Variants in ULK4 observed in about 807,000 individuals in gnomAD.
ULK4 encodes unc-51 like kinase 4.
Under a neutral mutation model 160.6 loss-of-function variants are expected in ULK4, and 133 were observed. That is an observed-to-expected ratio of 0.83 (90% confidence interval 0.72 to 0.96). The LOEUF is 0.96. ULK4 is among the 40% of genes least tolerant of loss of function. The pLI, the probability that ULK4 is intolerant of heterozygous loss-of-function variation, is 0.00. For synonymous variants in ULK4, 534 were observed against 539.8 expected (o/e 0.99, Z 0.15); for missense variants, 1,580 against 1,499.5 (o/e 1.05, Z -0.89).
intron 25 of ULK4, among the ~76,000 whole-genome samples, chr3:41,707,821 T>A (rs1374451046): frequency 1.3e-5 from 2 of 150,474 alleles, no homozygotes; most frequent in Non-Finnish European, 1.5e-5. Context: ...GGGCAAGACC[T>A]TGTCTCCAAA....
Position 41,271,972 on chromosome 3 carries a change from A to G in ULK4, c.3679-22398T>C, listed in dbSNP as rs547248156. Among the ~76,000 whole-genome samples, 3 of 152,190 alleles carry G rather than the reference A, an allele frequency of 2.0e-5. No homozygotes were observed. The East Asian group carries it at 5.8e-4, about 29-fold the overall frequency. On this transcript the variant is annotated intron_variant, in intron 35 of 36. Coordinates refer to ENST00000301831, the MANE Select transcript of ULK4 (RefSeq NM_017886.4). Reference sequence around the variant, plus strand: ...CCCTTTGTCACCCAGGCTGGAGTGCAGTGGCATGATCGCGGCTCACTGCAA... The same window carrying G: ...CCCTTTGTCACCCAGGCTGGAGTGCGGTGGCATGATCGCGGCTCACTGCAA...
At chr3:41,533,073 T>C (rs993179375) in intron 32 of ULK4, among the ~76,000 whole-genome samples, 2 of 152,158 alleles carry the variant, frequency 1.3e-5, no homozygotes, top group African/African-American at 2.4e-5. Context: ...GCTAGCCTCC[T>C]TGAGTATAAG....
At chr3:41,553,169 T>G (rs1315211212) in intron 32 of ULK4, among the ~76,000 whole-genome samples, 2 of 151,894 alleles carry the variant, frequency 1.3e-5, no homozygotes, top group African/African-American at 4.8e-5. Context: ...AATATAGAGA[T>G]AATTCTTCAG....
intron 29 of ULK4, among the ~76,000 whole-genome samples, chr3:41,677,626 C>T (rs150208339): frequency 1.3e-5 from 2 of 152,230 alleles, no homozygotes; most frequent in South Asian, 2.1e-4. Context: ...CCACCGCGCC[C>T]GGCCCCTAAA....
At chr3:41,372,797 C>T (rs1201424879) in intron 35 of ULK4, among the ~76,000 whole-genome samples, 1 of 152,152 alleles carries the variant, frequency 6.6e-6, no homozygotes, top group African/African-American at 2.4e-5. Context: ...AAAATATTAA[C>T]CTTAAATGTA....
chr3:41,530,538 ACCCC>A (rs201458279), intron 32 of ULK4, among the ~76,000 whole-genome samples: 1,878 of 152,212 alleles, frequency 0.012, 69 homozygotes, highest in Admixed American at 0.077. Context: ...CATTGGAGCT[ACCCC>A]CGCCTAAACT....
chr3:41,856,731 C>A (rs1356002642), intron 17 of ULK4, among the ~76,000 whole-genome samples: 2 of 150,114 alleles, frequency 1.3e-5, no homozygotes, highest in African/African-American at 4.9e-5. Context: ...CATGGTGAAA[C>A]CCCATTTCTA....
At chr3:41,367,990 C>T (rs929288543) in intron 35 of ULK4, among the ~76,000 whole-genome samples, 1 of 151,898 alleles carries the variant, frequency 6.6e-6, no homozygotes, top group Non-Finnish European at 1.5e-5. Flanking sequence ...TTACTTTCTT[C>T]TTTTTGCTCG....
intron 32 of ULK4, among the ~76,000 whole-genome samples, chr3:41,505,952 T>C (rs2085358363): frequency 6.6e-6 from 1 of 152,188 alleles, no homozygotes; most frequent in Non-Finnish European, 1.5e-5. Context: ...TTTTTGGTAA[T>C]CTTATTTATC....
At chr3:41,557,349 C>T (rs1357343307) in intron 32 of ULK4, among the ~76,000 whole-genome samples, 3 of 151,580 alleles carry the variant, frequency 2.0e-5, no homozygotes, top group Non-Finnish European at 4.4e-5. Context: ...TCATTATTTA[C>T]AATTATTATA....
Position 41,863,702 on chromosome 3 carries a change from A to G in ULK4, c.1656+20172T>C, listed in dbSNP as rs564773183. 5.2e-4 allele frequency among the ~76,000 whole-genome samples: 79 copies of G among 151,672 alleles called. No homozygotes were observed. In the Middle Eastern group the frequency reaches 0.017, roughly 33 times the overall value. ...ACCGGGTCCTTTCCCTCAAGGTAAC[A>G]GTTTCCCTTCTGGCCCAGGGTGTTC... On this transcript the variant is annotated intron_variant, in intron 17 of 36. Transcript: ENST00000301831.
intron 2 of ULK4, among the ~76,000 whole-genome samples, chr3:41,944,384 G>A (rs189402566): frequency 1.5e-3 from 226 of 152,268 alleles, no homozygotes; most frequent in Non-Finnish European, 2.4e-3. Context: ...AGGTTGCAGT[G>A]AGCTGAAATC....
In ULK4 at chr3:41,914,024, C is replaced by A. The variant is rs567233307; in HGVS notation, c.804-1125G>T. Among the ~76,000 whole-genome samples the A allele has an allele frequency of 2.0e-5, 3 of 152,234 alleles. No homozygotes were observed. In the South Asian group the frequency reaches 6.2e-4, roughly 32 times the overall value. ...GCTTCATAACCATATACATTCACAC[C>A]TTGTTTAGGAATCAAAATAATATTA... On this transcript the variant is annotated intron_variant, in intron 8 of 36. Coordinates refer to ENST00000301831, the MANE Select transcript of ULK4 (RefSeq NM_017886.4).
At chr3:41,313,306 G>C (rs1337819631) in intron 35 of ULK4, among the ~76,000 whole-genome samples, 1 of 152,210 alleles carries the variant, frequency 6.6e-6, no homozygotes, top group East Asian at 1.9e-4. Context: ...TATGGTTGTT[G>C]TGAGAATTAA....
intron 32 of ULK4, among the ~76,000 whole-genome samples, chr3:41,494,110 G>T (rs1212363915): frequency 8.4e-6 from 1 of 119,092 alleles, no homozygotes; most frequent in Non-Finnish European, 1.8e-5. Context: ...ACCAAAGCTG[G>T]GCAGAGACAC....
chr3:41,619,126 A>G (rs1458239052), intron 30 of ULK4, among the ~76,000 whole-genome samples: 1 of 152,196 alleles, frequency 6.6e-6, no homozygotes, highest in African/African-American at 2.4e-5. Context: ...CCAGATTCAT[A>G]AAACAAGTTC....
At chr3:41,501,220 G>T (rs1431192639) in intron 32 of ULK4, among the ~76,000 whole-genome samples, 7 of 152,130 alleles carry the variant, frequency 4.6e-5, no homozygotes, top group Admixed American at 1.3e-4. Flanking sequence ...TTGGCTGGGC[G>T]CGGTGGCTCA....
At chr3:41,456,993 C>T (rs1328240757) in intron 33 of ULK4, among the ~76,000 whole-genome samples, 1 of 152,198 alleles carries the variant, frequency 6.6e-6, no homozygotes, top group African/African-American at 2.4e-5. Flanking sequence ...CGGAGCTTCC[C>T]TCTCACTTCC....
At chr3:41,648,154 G>A (rs1213676351) in intron 30 of ULK4, among the ~76,000 whole-genome samples, 10 of 152,206 alleles carry the variant, frequency 6.6e-5, no homozygotes, top group Non-Finnish European at 1.5e-4. Flanking sequence ...CTTCCCGAGT[G>A]AGGCAATGCC....
Sources: allele counts gnomAD v4.1 joint callset (sites outside exome capture counted in the v4.1 genomes callset), GRCh38; gene constraint gnomAD v4.1.1; transcripts MANE v1.5; gene names NCBI Gene and HGNC (gene_info 2026-07-23, HGNC 2026-07-21).